FN1: variants seen among roughly 807,000 people sequenced by gnomAD.
FN1 encodes fibronectin.
A neutral mutation model predicts 297.3 loss-of-function variants in FN1; 106 were observed. That is an observed-to-expected ratio of 0.36 (90% CI 0.30 to 0.42). FN1 has a LOEUF of 0.42. Ranked by LOEUF, FN1 falls within the 10% of genes least tolerant of loss-of-function variation. The pLI, the probability that FN1 is intolerant of heterozygous loss-of-function variation, is 1.00. For missense variants in FN1, 2,690 were observed against 3,124.9 expected (o/e 0.86, Z 3.32); for synonymous variants, 1,149 against 1,152.6 (o/e 1.00, Z 0.06).
intron 12 of FN1, among the ~76,000 whole-genome samples, chr2:215,415,462 G>A (rs574526969): frequency 3.3e-5 from 5 of 152,162 alleles, no homozygotes; most frequent in African/African-American, 1.2e-4. Flanking sequence ...TTTCTAAATG[G>A]GGGTAGAATC....
intron 24 of FN1, 25 bp from the exon 25 acceptor site, chr2:215,393,228 G>T: frequency 1.3e-6 from 2 of 1,584,936 alleles, no homozygotes; most frequent in Non-Finnish European, 1.7e-6. Flanking sequence ...AGCAAAGGGA[G>T]GGGGAGGCAA....
At position 215,409,977 on chromosome 2, in the gene FN1, A is replaced by G. The variant is rs777756193; in HGVS notation, c.2079T>C (p.Thr693=). The change falls in exon 14 of 46, where the codon ACT becomes ACC. Residue 693 remains threonine, a synonymous_variant. Coordinates refer to ENST00000354785, the MANE Select transcript of FN1 (RefSeq NM_212482.4). ...SIQQYGHQEV[T]RFDFTTTSTS... ...TGCTGGTGGTGGTGAAGTCAAAGCG[A>G]GTCACTTCTTGGTGGCCGTACTGCT... 7.4e-6 allele frequency: 12 copies of G among 1,613,634 alleles called. No individual in the cohort carries two copies. The South Asian group carries it at 1.1e-4, about 15-fold the overall frequency.
intron 24 of FN1, among the ~76,000 whole-genome samples, chr2:215,394,020 A>G (rs374177480): frequency 1.3e-5 from 2 of 152,158 alleles, no homozygotes; most frequent in Non-Finnish European, 2.9e-5. Flanking sequence ...TTAAAATCCA[A>G]TTTTCAAAAA....
In FN1 at chr2:215,380,655, T is replaced by C. The variant is rs1048853506; in HGVS notation, c.5434+156A>G. The C allele has an allele frequency of 7.9e-6, 8 of 1,009,296 alleles. No individual in the cohort carries two copies. The East Asian group carries it at 1.7e-4, about 21-fold the overall frequency. The allele number at this position is 1,009,296 out of a possible 1,614,324, so 62.5% of individuals were successfully genotyped here. A position where few individuals can be genotyped will look rare whatever the true frequency, so the allele number is the denominator to read the frequency against. On this transcript the variant is annotated intron_variant, in intron 33 of 45. Coordinates refer to ENST00000354785, the MANE Select transcript of FN1 (RefSeq NM_212482.4). ...TGTTTCCTTAAATATCACCTAAGTT[T>C]TATTGTTTCTTACCATTCCTCTTTA...
Position 215,372,393 on chromosome 2 carries a change from G to A in FN1, c.6248-18C>T, listed in dbSNP as rs370655081. 13 of 1,606,092 alleles carry A rather than the reference G, an allele frequency of 8.1e-6. No homozygotes were observed. In the African/African-American group the frequency reaches 1.7e-4, roughly 21 times the overall value. ...AAGCTCGTCTAGCCGAGAGAGGTTA[G>A]AGCCAAAAAAGCAAAGCGCATTAAG... On this transcript the variant is annotated intron_variant, in intron 39 of 45. Coordinates refer to ENST00000354785, the MANE Select transcript of FN1 (RefSeq NM_212482.4).
intron 41 of FN1, 147 bp downstream of exon 41, chr2:215,370,147 A>T: frequency 1.3e-6 from 1 of 769,812 alleles, no homozygotes; most frequent in Admixed American, 2.1e-5. Flanking sequence ...AATTTAATAT[A>T]AAGTTGCTCA....
At position 215,393,054 on chromosome 2, in the gene FN1, C is replaced by G; in HGVS notation, c.3946G>C (p.Val1316Leu). ...GTGTAGTATCCTACTGAGGAGTCCACAAAATCTTCAAAAATAGGGATACCT... is the reference window on the plus strand; with the variant it reads ...GTGTAGTATCCTACTGAGGAGTCCAGAAAATCTTCAAAAATAGGGATACCT... The part of the protein sequence containing the change: ...GEGIPIFEDF[V>L]DSSVGYYTVT... The change falls in exon 25 of 46, where the codon GTG becomes CTG. Residue 1316 changes from valine (V) to leucine (L), a missense_variant. Val to Leu is a conservative substitution (Grantham distance 32, BLOSUM62 1). Coordinates refer to ENST00000354785, the MANE Select transcript of FN1 (RefSeq NM_212482.4). 1 of 1,614,050 alleles carries G rather than the reference C, an allele frequency of 6.2e-7. No homozygotes were observed. Among genetic ancestry groups the G allele is most frequent in the Non-Finnish European group, 8.5e-7 (1 of 1,180,020 alleles).
chr2:215,414,855 G>A lies in FN1; in HGVS notation c.1923C>T (p.Tyr641=), dbSNP rs750370619. ...NAPQPSHISK[Y]ILRWRPKNSV... is the part of the protein sequence containing the mutation. ...TACTCACAGGTCTCCACCTGAGAAT[G>A]TACTTGGAAATGTGAGATGGCTGTG... Residue 641 remains tyrosine, a synonymous_variant, in exon 13 of 46, where the codon TAC becomes TAT. Transcript: ENST00000354785. The A allele has an allele frequency of 5.6e-6, 9 of 1,613,532 alleles. No homozygotes were observed. The Admixed American group carries it at 1.5e-4, about 27-fold the overall frequency.
Position 215,425,414 on chromosome 2 carries a change from G to A in FN1, c.845-129C>T, listed in dbSNP as rs545227893. ...CTATGTCGCTACTGGCCTGGGACTG[G>A]AAAAAAATGTCCCTTATTCAGCAGT... is the stretch of plus-strand genomic sequence containing the variant. On this transcript the variant is annotated intron_variant, in intron 6 of 45. Transcript: ENST00000354785. The A allele has an allele frequency of 1.0e-3, 953 of 908,144 alleles. 3 individuals are homozygous for A. Among genetic ancestry groups the A allele is most frequent in the Middle Eastern group, 8.1e-3 (25 of 3,092 alleles). The allele number at this position is 908,144 out of a possible 1,614,324, so 56.3% of individuals were successfully genotyped here. A position where few individuals can be genotyped will look rare whatever the true frequency, so the allele number is the denominator to read the frequency against.
intron 24 of FN1, chr2:215,393,694 A>C (rs565292668): frequency 6.6e-6 from 1 of 152,292 alleles, no homozygotes; most frequent in Non-Finnish European, 1.5e-5. Flanking sequence ...TCATGACAAC[A>C]TCATGGCCAT....
chr2:215,426,189 C>T (rs1359635252), intron 6 of FN1, among the ~76,000 whole-genome samples: 4 of 142,300 alleles, frequency 2.8e-5, no homozygotes, highest in Non-Finnish European at 6.0e-5. Flanking sequence ...CACTCTGTCA[C>T]CCAGGCTGGA....
At chr2:215,387,677 A>G (rs1370721042) in intron 27 of FN1, among the ~76,000 whole-genome samples, 1 of 152,256 alleles carries the variant, frequency 6.6e-6, no homozygotes, top group Admixed American at 6.5e-5. Flanking sequence ...CTAAGATATC[A>G]TAAGTCCTTT....
chr2:215,399,124 T>C (rs1036934957), intron 21 of FN1, 133 bp downstream of exon 21: 4 of 727,168 alleles, frequency 5.5e-6, no homozygotes, highest in Admixed American at 1.9e-5. Flanking sequence ...GACAATGTAG[T>C]CAAAGATGTA....
At chr2:215,417,311 A>G (rs1355076162) in intron 12 of FN1, among the ~76,000 whole-genome samples, 1 of 152,244 alleles carries the variant, frequency 6.6e-6, no homozygotes, top group Non-Finnish European at 1.5e-5. Context: ...TACCAAAAAA[A>G]GGAGATAGTA....
At position 215,397,186 on chromosome 2, in the gene FN1, G is replaced by C; in HGVS notation, c.3555C>G (p.Asn1185Lys). ...AGACTGTGAGCACTCCAGTGTCAGG[G>C]TTTGCCTCCAGATGCAAGTTTGTTG... ...SPPTNLHLEA[N>K]PDTGVLTVSW... Residue 1185 changes from asparagine (N) to lysine (K), a missense_variant, in exon 23 of 46, where the codon AAC (asparagine) becomes AAG (lysine). Asn to Lys is a moderately conservative substitution (Grantham distance 94). Transcript: ENST00000354785. 1.2e-6 allele frequency: 2 copies of C among 1,614,024 alleles called. No homozygotes were observed. Among genetic ancestry groups the C allele is most frequent in the African/African-American group, 1.3e-5 (1 of 75,048 alleles).
chr2:215,430,930 G>T, intron 4 of FN1, 78 bp from the exon 5 acceptor site: 2 of 1,510,988 alleles, frequency 1.3e-6, no homozygotes, highest in Non-Finnish European at 1.8e-6. Flanking sequence ...TTAAAGTGTA[G>T]TGTGTAAGCA....
chr2:215,410,051 T>C lies in FN1; in HGVS notation c.2005A>G (p.Lys669Glu), dbSNP rs1575645719. 6.2e-7 allele frequency: 1 copy of C among 1,614,102 alleles called. No individual in the cohort carries two copies. Among genetic ancestry groups the C allele is most frequent in the Non-Finnish European group, 8.5e-7 (1 of 1,180,004 alleles). ...TATACCACACCAGGCTTCAGGCCTT[T>C]GATGGTGTAGGAGTTTAAGTGGCCT... is the stretch of plus-strand genomic sequence containing the variant. ...IPGHLNSYTI[K>E]GLKPGVVYEG... The change falls in exon 14 of 46, where the codon AAA becomes GAA. Residue 669 changes from lysine to glutamate, a missense_variant. Transcript: ENST00000354785.
At position 215,399,390 on chromosome 2, in the gene FN1, C is replaced by G. The variant is rs1049630646; in HGVS notation, c.3254-39G>C. The G allele has an allele frequency of 3.7e-6, 5 of 1,368,968 alleles. No individual in the cohort carries two copies. The African/African-American group carries it at 5.7e-5, about 16-fold the overall frequency. 84.8% of individuals were successfully genotyped at this position (1,368,968 alleles called of 1,614,324 possible). A position where few individuals can be genotyped will look rare whatever the true frequency, so the allele number is the denominator to read the frequency against. On this transcript the variant is annotated intron_variant, in intron 20 of 45. Transcript: ENST00000354785. ...TCAATGCACATATTCAAAACTCAAA[C>G]TCACAGATGATTGCATAGCATATAG...
chr2:215,430,697 T>C lies in FN1; in HGVS notation c.685+18A>G, dbSNP rs1248192226. The C allele has an allele frequency of 2.5e-6, 4 of 1,613,570 alleles. No individual in the cohort carries two copies. The highest frequency in any genetic ancestry group is 3.4e-6 in the Non-Finnish European group (4 of 1,179,672). ...ACAATACCTGGCTTAATCTTTAACA[T>C]AAAGATGTAAAACATACTTCTAGAA... On this transcript the variant is annotated intron_variant, in intron 5 of 45. Transcript: ENST00000354785.
Sources: gnomAD v4.1 joint callset for allele counts (sites outside exome capture counted in the v4.1 genomes callset) on GRCh38, gnomAD v4.1.1 for gene constraint, MANE v1.5 for transcripts, NCBI Gene and HGNC (gene_info 2026-07-23, HGNC 2026-07-21) for gene names.